Variants in TNC observed in about 807,000 individuals in gnomAD.
The protein encoded by TNC is tenascin.
A neutral mutation model predicts 202.4 loss-of-function variants in TNC; 109 were observed. That is an observed-to-expected ratio of 0.54 (90% CI 0.46 to 0.63). The LOEUF (loss-of-function observed/expected upper bound fraction) is 0.63. TNC is among the 30% of genes least tolerant of loss of function. The pLI is 0.00. For synonymous variants in TNC, 1,007 were observed against 1,089.7 expected, an observed-to-expected ratio of 0.92 and a Z score of 1.50; for missense variants, 2,756 against 2,833.3, an observed-to-expected ratio of 0.97 and a Z score of 0.62.
In TNC at chr9:115,086,904, C is replaced by T. The variant is rs753917961; in HGVS notation, c.827G>A (p.Gly276Asp). ...ACACAGAGGCTTGTTGCAGTCATCG[C>T]CTGCAAAGCCATCGTGGCACACACA... Reference protein sequence around the residue: ...GLCVCHDGFAGDDCNKPLCLN... With the variant: ...GLCVCHDGFADDDCNKPLCLN... Residue 276 changes from glycine to aspartate, a missense_variant, in exon 3 of 28, where the codon GGC (glycine) becomes GAC (aspartate). Physicochemically the swap from Gly to Asp is moderately conservative, Grantham distance 94. Transcript: ENST00000350763. 4 of 1,613,986 alleles carry T rather than the reference C, an allele frequency of 2.5e-6. No individual in the cohort carries two copies. Among genetic ancestry groups the T allele is most frequent in the Non-Finnish European group, 3.4e-6 (4 of 1,180,058 alleles).
chr9:115,077,931 G>A lies in TNC; in HGVS notation c.2674+12C>T. On this transcript the variant is annotated intron_variant, in intron 7 of 27. Coordinates refer to ENST00000350763, the MANE Select transcript of TNC (RefSeq NM_002160.4). Reference sequence around the variant, plus strand: ...CCTTTACTATATCTGTTAACAGGGGGAGGCCTTTTACCTGTTGTGAAGGTC... The same window carrying A: ...CCTTTACTATATCTGTTAACAGGGGAAGGCCTTTTACCTGTTGTGAAGGTC... The A allele has an allele frequency of 1.2e-6, 2 of 1,611,642 alleles. No individual in the cohort carries two copies. Among genetic ancestry groups the A allele is most frequent in the Non-Finnish European group, 1.7e-6 (2 of 1,178,090 alleles).
chr9:115,087,033 T>C lies in TNC; in HGVS notation c.698A>G (p.Asn233Ser), dbSNP rs1242634044. 2 of 1,613,516 alleles carry C rather than the reference T, an allele frequency of 1.2e-6. No individual in the cohort carries two copies. Residue 233 changes from asparagine to serine, a missense_variant, in exon 3 of 28, where the codon AAT (asparagine) becomes AGT (serine). By Grantham distance (46) the Asn-to-Ser change is conservative. Coordinates refer to ENST00000350763, the MANE Select transcript of TNC (RefSeq NM_002160.4). ...GCCTTCGAAACAGATGCAGACTCCATTTACGCACTTGCCCTGGTCATTGCA... is the reference window on the plus strand; with the variant it reads ...GCCTTCGAAACAGATGCAGACTCCACTTACGCACTTGCCCTGGTCATTGCA... Reference protein sequence around the residue: ...SDCNDQGKCVNGVCICFEGYA... With the variant: ...SDCNDQGKCVSGVCICFEGYA...
Position 115,090,862 on chromosome 9 carries a change from C to G in TNC, c.157G>C (p.Val53Leu). The change falls in exon 2 of 28, where the codon GTT (valine) becomes CTT (leucine). Residue 53 changes from valine (V) to leucine (L), a missense_variant. Transcript: ENST00000350763. ...CCCACTGGCAGCTTGATGTTGTAAA[C>G]GTGGTTAAACACCACTGGCTGGTTC... is the stretch of plus-strand genomic sequence containing the variant. ...EENQPVVFNH[V>L]YNIKLPVGSQ... The G allele has an allele frequency of 6.2e-7, 1 of 1,614,210 alleles. No homozygotes were observed.
intron 23 of TNC, 121 bp downstream of exon 23, chr9:115,031,432 G>C (rs552478988): frequency 3.5e-6 from 4 of 1,157,024 alleles, no homozygotes; most frequent in Middle Eastern, 3.1e-4. Flanking sequence ...AGTAGTAGCA[G>C]TGAATCGATT....
rs576571498 is a variant in TNC, at chr9:115,098,758, T to C, written c.-136-7604A>G. Among the ~76,000 whole-genome samples the C allele has an allele frequency of 1.2e-4, 18 of 152,308 alleles. No homozygotes were observed. The South Asian group carries it at 3.7e-3, about 32-fold the overall frequency. ...CATGAGGCAGCTTACACCAAATTTTTCTTCTCGCTTACAGGCCAAAGAGTT... is the reference window on the plus strand; with the variant it reads ...CATGAGGCAGCTTACACCAAATTTTCCTTCTCGCTTACAGGCCAAAGAGTT... On this transcript the variant is annotated intron_variant, in intron 1 of 27. Coordinates refer to ENST00000350763, the MANE Select transcript of TNC (RefSeq NM_002160.4).
At chr9:115,021,301 G>C (rs753359279) in intron 27 of TNC, 34 bp from the exon 28 acceptor site, 3 of 1,541,724 alleles carry the variant, frequency 1.9e-6, no homozygotes, top group South Asian at 2.3e-5. Context: ...GAGAGAGAGA[G>C]AGAGAAGGCC....
intron 1 of TNC, among the ~76,000 whole-genome samples, chr9:115,111,658 G>A (rs902381513): frequency 1.1e-4 from 16 of 151,882 alleles, no homozygotes; most frequent in Non-Finnish European, 1.2e-4. Flanking sequence ...TGATCCACCC[G>A]CCTCGGGCTC....
chr9:115,095,376 A>T (rs1045519678), intron 1 of TNC, among the ~76,000 whole-genome samples: 6 of 151,022 alleles, frequency 4.0e-5, no homozygotes, highest in Non-Finnish European at 7.4e-5. Context: ...AGCAAAGACA[A>T]GAGTTCTACA....
intron 1 of TNC, among the ~76,000 whole-genome samples, chr9:115,099,400 C>T (rs1836052418): frequency 1.3e-5 from 2 of 152,182 alleles, no homozygotes; most frequent in African/African-American, 4.8e-5. Context: ...CAAGAAACAT[C>T]TGTGCAATGT....
chr9:115,042,116 C>A (rs1237001862), intron 18 of TNC, 103 bp downstream of exon 18: 15 of 1,468,034 alleles, frequency 1.0e-5, no homozygotes, highest in East Asian at 2.3e-5. Context: ...AATTCATTTT[C>A]TTTGATCATG....
Position 115,086,327 on chromosome 9 carries a change from C to T in TNC, c.1404G>A (p.Met468Ile). 1 of 1,614,092 alleles carries T rather than the reference C, an allele frequency of 6.2e-7. No individual in the cohort carries two copies. Among genetic ancestry groups the T allele is most frequent in the Non-Finnish European group, 8.5e-7 (1 of 1,180,016 alleles). Residue 468 changes from methionine (M) to isoleucine (I), a missense_variant, in exon 3 of 28, where the codon ATG (methionine) becomes ATA (isoleucine). Transcript: ENST00000350763. ...GCTGGTGACAGTCATTAGGGCAGCT[C>T]ATGTCACTGCAGTCATAGCCCTTGA... is the stretch of plus-strand genomic sequence containing the variant. ...QGFKGYDCSD[M>I]SCPNDCHQHG...
intron 21 of TNC, 72 bp from the exon 22 acceptor site, chr9:115,035,406 A>G: frequency 6.6e-7 from 1 of 1,522,838 alleles, no homozygotes; most frequent in Non-Finnish European, 8.9e-7. Context: ...CTGGGTATCA[A>G]GAAGACTGGG....
chr9:115,112,989 T>C (rs145839606), intron 1 of TNC, among the ~76,000 whole-genome samples: 2 of 152,176 alleles, frequency 1.3e-5, no homozygotes, highest in African/African-American at 4.8e-5. Context: ...AGGGATGTGA[T>C]GTGGATCGGG....
intron 1 of TNC, among the ~76,000 whole-genome samples, chr9:115,096,663 C>A (rs77952413): frequency 0.019 from 2,952 of 152,268 alleles, 99 homozygotes; most frequent in African/African-American, 0.068. Flanking sequence ...TAGCAACTAA[C>A]TCACTTAACT....
rs1832810060 is a variant in TNC at position 115,064,720 on chromosome 9, C to T, written c.3414G>A (p.Thr1138=). The T allele has an allele frequency of 4.3e-6, 7 of 1,614,086 alleles. No individual in the cohort carries two copies. Among genetic ancestry groups the T allele is most frequent in the African/African-American group, 2.7e-5 (2 of 74,930 alleles). Residue 1138 remains threonine, a synonymous_variant, in exon 11 of 28, where the codon ACG becomes ACA. Transcript: ENST00000350763. ...AVDIPGLKAA[T]PYTVSIYGVI... The stretch of plus-strand genomic sequence containing the variant: ...CCCCATAGATGGAGACTGTATAAGG[C>T]GTAGCAGCCTTGAGGCCCGGTATGT...
At chr9:115,103,812 G>A (rs868553079) in intron 1 of TNC, among the ~76,000 whole-genome samples, 1 of 152,106 alleles carries the variant, frequency 6.6e-6, no homozygotes, top group African/African-American at 2.4e-5. Context: ...GGTGCCTCAC[G>A]ACTTCCTCCC....
At chr9:115,025,122 A>G (rs187982508) in intron 26 of TNC, among the ~76,000 whole-genome samples, 2 of 152,332 alleles carry the variant, frequency 1.3e-5, no homozygotes, top group East Asian at 3.9e-4. Flanking sequence ...AAAGGGAAAT[A>G]TTATGGCTCA....
chr9:115,044,792 C>T (rs1243332605), intron 17 of TNC, among the ~76,000 whole-genome samples: 2 of 151,936 alleles, frequency 1.3e-5, no homozygotes, highest in Non-Finnish European at 2.9e-5. Context: ...AGGGTTTTTC[C>T]CTCTTACTAG....
chr9:115,063,096 T>C lies in TNC; in HGVS notation c.3854A>G (p.Gln1285Arg). The C allele has an allele frequency of 6.2e-7, 1 of 1,614,170 alleles. No homozygotes were observed. ...AGCCTCCTGGACCTGAATAGTAAACTGGTCATAGGTTCCATCTGGCGTGGT... is the reference window on the plus strand; with the variant it reads ...AGCCTCCTGGACCTGAATAGTAAACCGGTCATAGGTTCCATCTGGCGTGGT... The part of the protein sequence containing the change: ...NWTTPDGTYD[Q>R]FTIQVQEADQ... Residue 1285 changes from glutamine (Q) to arginine (R), a missense_variant, in exon 13 of 28, where the codon CAG becomes CGG. Around this residue, in one of 2 missense-constraint regions of TNC, gnomAD observed 2,559 missense variants for 2,546.0 expected, o/e 1.01. Transcript: ENST00000350763.
Sources: gnomAD v4.1 joint callset for allele counts (sites outside exome capture counted in the v4.1 genomes callset) on GRCh38, gnomAD v4.1.1 for gene constraint, gnomAD v4.1.1 regional missense constraint, MANE v1.5 for transcripts, NCBI Gene and HGNC (gene_info 2026-07-23, HGNC 2026-07-21) for gene names.